The following HECW1 variants were observed in gnomAD, a reference collection of about 807,000 sequenced individuals.
HECW1 encodes the protein HECT, C2 and WW domain containing E3 ubiquitin protein ligase 1.
A neutral mutation model predicts 182.3 loss-of-function variants in HECW1; 61 were observed. The ratio of observed to expected loss-of-function variants is 0.33; its 90% CI spans 0.27 to 0.41. The LOEUF (loss-of-function observed/expected upper bound fraction) is 0.41. HECW1 is among the 10% of genes least tolerant of loss of function. The pLI, the probability that HECW1 is intolerant of heterozygous loss-of-function variation, is 1.00. For missense variants in HECW1, 1,739 were observed against 2,108.9 expected, an observed-to-expected ratio of 0.82 and a Z score of 3.44; for synonymous variants, 859 against 832.6, an observed-to-expected ratio of 1.03 and a Z score of -0.55.
intron 6 of HECW1, among the ~76,000 whole-genome samples, chr7:43,383,620 T>G (rs2074648216): frequency 6.6e-6 from 1 of 152,242 alleles, no homozygotes; most frequent in Non-Finnish European, 1.5e-5. Flanking sequence ...GCCCACTTTT[T>G]GATAGGGTTA....
At chr7:43,456,921 G>C (rs1184460039) in intron 13 of HECW1, among the ~76,000 whole-genome samples, 1 of 152,166 alleles carries the variant, frequency 6.6e-6, no homozygotes, top group Admixed American at 6.5e-5. Context: ...AAAGCTGCTT[G>C]GAGAATAAAC....
chr7:43,501,557 A>G (rs145695702), intron 21 of HECW1, among the ~76,000 whole-genome samples: 1 of 152,152 alleles, frequency 6.6e-6, no homozygotes, highest in Non-Finnish European at 1.5e-5. Flanking sequence ...TTTGCTGGGC[A>G]GGTGGCTCAT....
rs1351649793 is a variant in HECW1, at chr7:43,445,406, C to T, written c.2234C>T (p.Ala745Val). ...SQDDEEEENS[A>V]FESVPDSMQS... The stretch of plus-strand genomic sequence containing the variant: ...GACGACGAGGAGGAGGAGAACAGCG[C>T]GTTCGAGTCGGTACCCGACTCCATG... Residue 745 changes from alanine to valine, a missense_variant, in exon 11 of 30, where the codon GCG becomes GTG. Around this residue, in one of 5 missense-constraint regions of HECW1, gnomAD observed 971 missense variants for 1,029.1 expected, o/e 0.94. Coordinates refer to ENST00000395891, the MANE Select transcript of HECW1 (RefSeq NM_015052.5). 3.1e-6 allele frequency: 5 copies of T among 1,613,446 alleles called. No individual in the cohort carries two copies. Among genetic ancestry groups the T allele is most frequent in the East Asian group, 2.2e-5 (1 of 44,888 alleles).
At chr7:43,509,460 A>G (rs2079753629) in intron 24 of HECW1, 1 of 180,828 alleles carries the variant, frequency 5.5e-6, no homozygotes, top group Admixed American at 6.0e-5. Flanking sequence ...GGAGGTATTT[A>G]TGGGTTTGAA....
intron 3 of HECW1, among the ~76,000 whole-genome samples, chr7:43,254,605 C>T (rs977936782): frequency 2.0e-5 from 3 of 152,192 alleles, no homozygotes; most frequent in Middle Eastern, 3.2e-3. Context: ...GCAGGAACCT[C>T]AACAAAAGCC....
At chr7:43,416,750 G>A (rs1347214953) in intron 8 of HECW1, among the ~76,000 whole-genome samples, 5 of 144,548 alleles carry the variant, frequency 3.5e-5, no homozygotes, top group African/African-American at 1.0e-4. Flanking sequence ...TTTTTAAGCC[G>A]GTCTGAAAAG....
intron 16 of HECW1, among the ~76,000 whole-genome samples, chr7:43,471,059 A>C (rs1489174973): frequency 6.6e-6 from 1 of 152,248 alleles, no homozygotes. Context: ...CAGATAAATA[A>C]GTTAATAAGT....
chr7:43,229,788 A>G (rs1797730632), intron 2 of HECW1, among the ~76,000 whole-genome samples: 1 of 152,226 alleles, frequency 6.6e-6, no homozygotes, highest in African/African-American at 2.4e-5. Context: ...CTCATTATTT[A>G]CAAAGGATAA....
chr7:43,393,251 CA>C lies in HECW1; in HGVS notation c.556-3560del, dbSNP rs556441957. Among the ~76,000 whole-genome samples, 307 of 152,268 alleles carry C rather than the reference CA, an allele frequency of 2.0e-3. 1 individual carries two copies. The highest frequency in any genetic ancestry group is 7.0e-3 in the African/African-American group (291 of 41,542). On this transcript the variant is annotated intron_variant, in intron 6 of 29. Coordinates refer to ENST00000395891, the MANE Select transcript of HECW1 (RefSeq NM_015052.5). ...GTCAGGCATCAGACAAGCCACAGAG[CA>C]AAGGGAGCTTGTCAGCCCTGAGAAG...
chr7:43,350,111 T>C (rs765292259), intron 5 of HECW1, among the ~76,000 whole-genome samples: 13 of 152,212 alleles, frequency 8.5e-5, no homozygotes, highest in Non-Finnish European at 1.6e-4. Context: ...ATATCTTTCC[T>C]TCATATATGA....
chr7:43,408,672 C>T (rs1041460952), intron 8 of HECW1, among the ~76,000 whole-genome samples: 11 of 151,930 alleles, frequency 7.2e-5, no homozygotes, highest in Admixed American at 6.6e-4. Flanking sequence ...GGTGACAGAG[C>T]GAGACCCTGT....
At chr7:43,197,875 T>C (rs887234254) in intron 2 of HECW1, among the ~76,000 whole-genome samples, 3 of 152,040 alleles carry the variant, frequency 2.0e-5, no homozygotes, top group Admixed American at 6.6e-5. Flanking sequence ...GGGTTCCCAG[T>C]GAAGGCGTTG....
intron 2 of HECW1, among the ~76,000 whole-genome samples, chr7:43,130,142 C>G (rs1165821218): frequency 1.3e-5 from 2 of 152,074 alleles, no homozygotes; most frequent in Non-Finnish European, 2.9e-5. Flanking sequence ...CTCAAAAACA[C>G]CTATGTTCAT....
At chr7:43,264,658 A>T (rs577222850) in intron 3 of HECW1, among the ~76,000 whole-genome samples, 1 of 152,014 alleles carries the variant, frequency 6.6e-6, no homozygotes, top group Non-Finnish European at 1.5e-5. Context: ...ATCCTGGCTA[A>T]CACAGTGAAC....
rs1390109251 is a variant in HECW1 at position 43,527,129 on chromosome 7, A to G, written c.4020-14034A>G. Among the ~76,000 whole-genome samples, 3 of 152,234 alleles carry G rather than the reference A, an allele frequency of 2.0e-5. No homozygotes were observed. In the East Asian group the frequency reaches 5.8e-4, roughly 29 times the overall value. ...ACACTGTATCTCATTCTAAAACTAG[A>G]TAAATTCCCTTCTTGCGTGAAATTA... On this transcript the variant is annotated intron_variant, in intron 24 of 29. Coordinates refer to ENST00000395891, the MANE Select transcript of HECW1 (RefSeq NM_015052.5).
At chr7:43,459,906 T>C (rs2077524662) in intron 13 of HECW1, among the ~76,000 whole-genome samples, 1 of 152,216 alleles carries the variant, frequency 6.6e-6, no homozygotes, top group South Asian at 2.1e-4. Context: ...TACATGGTTA[T>C]GATGGTGATA....
chr7:43,114,368 C>T lies in HECW1; in HGVS notation c.-55C>T. The stretch of plus-strand genomic sequence containing the variant: ...CAGATCTGCGTTTCTCATCAGCAGA[C>T]TCACTCCGGCTGTGGCTATTACGGT... On this transcript the variant is annotated 5_prime_UTR_variant, in exon 2 of 30. Transcript: ENST00000395891. The T allele has an allele frequency of 7.4e-7, 1 of 1,353,594 alleles. No individual in the cohort carries two copies. The highest frequency in any genetic ancestry group is 9.7e-7 in the Non-Finnish European group (1 of 1,028,040). 83.8% of individuals were successfully genotyped at this position (1,353,594 alleles called of 1,614,324 possible). A position where few individuals can be genotyped will look rare whatever the true frequency, so the allele number is the denominator to read the frequency against.
chr7:43,494,563 G>C (rs1006985070), intron 19 of HECW1, among the ~76,000 whole-genome samples: 2 of 151,588 alleles, frequency 1.3e-5, no homozygotes, highest in African/African-American at 4.9e-5. Flanking sequence ...AAGTGAGATG[G>C]TACAATCTCA....
rs2078994713 is a variant in HECW1, at chr7:43,493,154, A to G, written c.3411A>G (p.Pro1137=). 6.2e-7 allele frequency: 1 copy of G among 1,613,584 alleles called. No individual in the cohort carries two copies. Among genetic ancestry groups the G allele is most frequent in the African/African-American group, 1.3e-5 (1 of 75,014 alleles). Residue 1137 remains proline (P), a synonymous_variant, in exon 19 of 30, where the codon CCA becomes CCG. Transcript: ENST00000395891. The part of the protein sequence containing the change: ...NIFEMLQERQ[P]SLARNHTLRE... Reference sequence around the variant, plus strand: ...TTGAAATGCTGCAAGAGCGTCAGCCAAGCTTAGCAAGAAACCACACACTCA... The same window carrying G: ...TTGAAATGCTGCAAGAGCGTCAGCCGAGCTTAGCAAGAAACCACACACTCA...
Sources: gnomAD v4.1 joint callset for allele counts (sites outside exome capture counted in the v4.1 genomes callset) on GRCh38, gnomAD v4.1.1 for gene constraint, gnomAD v4.1.1 regional missense constraint, MANE v1.5 for transcripts, NCBI Gene and HGNC (gene_info 2026-07-23, HGNC 2026-07-21) for gene names.